The following RAE1 variants were observed in gnomAD, a reference collection of about 807,000 sequenced individuals.
RAE1 encodes ribonucleic acid export 1.
RAE1 carries 13 observed loss-of-function variants against 52.7 expected under a neutral mutation model. The observed-to-expected ratio is 0.25, with a 90% CI of 0.16 to 0.39. The LOEUF (loss-of-function observed/expected upper bound fraction) is 0.39, where lower values mean the gene tolerates loss of function less well. RAE1 is among the 10% of genes least tolerant of loss of function. The pLI is 1.00. For synonymous variants in RAE1, 164 were observed against 153.1 expected (o/e 1.07, Z -0.52); for missense variants, 262 against 459.8 (o/e 0.57, Z 3.93).
Position 57,379,172 on chromosome 20 carries a change from C to T in RAE1, c.*1073C>T, listed in dbSNP as rs146002651. On this transcript the variant is annotated 3_prime_UTR_variant, in exon 12 of 12. Coordinates refer to ENST00000395841, the MANE Select transcript of RAE1 (RefSeq NM_003610.4). ...GATGTGTTTGCCTACTCATAAAAAACAATGAAAATAAAATTTTCTACTGGA... is the reference window on the plus strand; with the variant it reads ...GATGTGTTTGCCTACTCATAAAAAATAATGAAAATAAAATTTTCTACTGGA... 1.4e-3 allele frequency: 218 copies of T among 152,238 alleles called. No homozygotes were observed. Among genetic ancestry groups the T allele is most frequent in the African/African-American group, 5.0e-3 (208 of 41,534 alleles). 9.4% of individuals were successfully genotyped at this position (152,238 alleles called of 1,614,324 possible). A position where few individuals can be genotyped will look rare whatever the true frequency, so the allele number is the denominator to read the frequency against.
At chr20:57,367,488 A>C (rs1347427819) in intron 7 of RAE1, among the ~76,000 whole-genome samples, 1 of 151,994 alleles carries the variant, frequency 6.6e-6, no homozygotes, top group Non-Finnish European at 1.5e-5. Context: ...CACGCCTATA[A>C]TCCTAGCACT....
chr20:57,367,333 A>G (rs555093207), intron 7 of RAE1, among the ~76,000 whole-genome samples: 1 of 152,308 alleles, frequency 6.6e-6, no homozygotes, highest in East Asian at 1.9e-4. Flanking sequence ...GCAGCTAGCT[A>G]CATGCCATCT....
rs1458721104 is a variant in RAE1 at position 57,359,220 on chromosome 20, G to T, written c.288+2682G>T. On this transcript the variant is annotated intron_variant, in intron 4 of 11. Coordinates refer to ENST00000395841, the MANE Select transcript of RAE1 (RefSeq NM_003610.4). ...TGAGTTCCTTTTATTTTTTTGTAATGTTTCCTTAGAGCATGCCTGTGTTGG... is the reference window on the plus strand; with the variant it reads ...TGAGTTCCTTTTATTTTTTTGTAATTTTTCCTTAGAGCATGCCTGTGTTGG... 3 of 402,636 alleles carry T rather than the reference G, an allele frequency of 7.5e-6. No individual in the cohort carries two copies. In the East Asian group the frequency reaches 1.1e-4, roughly 15 times the overall value. The allele number at this position is 402,636 out of a possible 1,614,324, so 24.9% of individuals were successfully genotyped here.
rs181711055 is a variant in RAE1 at position 57,357,105 on chromosome 20, C to G, written c.288+567C>G. On this transcript the variant is annotated intron_variant, in intron 4 of 11. Coordinates refer to ENST00000395841, the MANE Select transcript of RAE1 (RefSeq NM_003610.4). ...TGAGGCCCCTTCCGAGGCCTTGTAC[C>G]TGTTCCTTTAGTCAGGTTTATTGAG... Among the ~76,000 whole-genome samples the G allele has an allele frequency of 2.8e-3, 428 of 152,350 alleles. 1 individual carries two copies. Among genetic ancestry groups the G allele is most frequent in the Non-Finnish European group, 4.8e-3 (325 of 68,036 alleles).
chr20:57,368,728 A>G lies in RAE1; in HGVS notation c.558A>G (p.Ala186=), dbSNP rs1355616720. The part of the protein sequence containing the change: ...ADVIYPMAVV[A]TAERGLIVYQ... ...AGATATACCCCATGGCTGTGGTGGC[A>G]ACTGCAGAGAGGGGCCTGATTGTCT... The change falls in exon 8 of 12, where the codon GCA becomes GCG. Residue 186 remains alanine (A), a synonymous_variant. Coordinates refer to ENST00000395841, the MANE Select transcript of RAE1 (RefSeq NM_003610.4). The G allele has an allele frequency of 1.9e-6, 3 of 1,613,546 alleles. No homozygotes were observed. The highest frequency in any genetic ancestry group is 2.5e-6 in the Non-Finnish European group (3 of 1,179,802).
chr20:57,376,664 G>T (rs776182561), intron 11 of RAE1, among the ~76,000 whole-genome samples: 1 of 152,212 alleles, frequency 6.6e-6, no homozygotes. Flanking sequence ...TGACAAGAGT[G>T]TACTTTTTTG....
At chr20:57,368,605 C>A in intron 7 of RAE1, 100 bp from the exon 8 acceptor site, 1 of 684,564 alleles carries the variant, frequency 1.5e-6, no homozygotes, top group Non-Finnish European at 2.5e-6. Flanking sequence ...TTATTAAAAT[C>A]CAGACTTAAT....
At chr20:57,365,303 A>T in intron 4 of RAE1, 53 bp from the exon 5 acceptor site, 1 of 1,267,176 alleles carries the variant, frequency 7.9e-7, no homozygotes, top group Non-Finnish European at 1.1e-6. Context: ...ATATATATAT[A>T]GTTAAAGATT....
chr20:57,360,952 C>T (rs540640860), intron 4 of RAE1, among the ~76,000 whole-genome samples: 1 of 152,160 alleles, frequency 6.6e-6, no homozygotes, highest in African/African-American at 2.4e-5. Context: ...TGTAATCTTA[C>T]AAAGAACTAA....
chr20:57,365,200 A>G (rs2066937895), intron 4 of RAE1, among the ~76,000 whole-genome samples, 156 bp from the exon 5 acceptor site: 1 of 152,202 alleles, frequency 6.6e-6, no homozygotes, highest in Non-Finnish European at 1.5e-5. Context: ...AATTTTTTGT[A>G]TGATGCTGTA....
chr20:57,356,483 T>A lies in RAE1; in HGVS notation c.233T>A (p.Ile78Asn). The change falls in exon 4 of 12, where the codon ATT (isoleucine) becomes AAT (asparagine). Residue 78 changes from isoleucine to asparagine, a missense_variant. Transcript: ENST00000395841. ...CWEVQDSGQT[I>N]PKAQQMHTGP... ...GAAGTTCAAGACAGTGGACAGACCA[T>A]TCCAAAAGCCCAGCAGATGCACACT... 1 of 1,613,464 alleles carries A rather than the reference T, an allele frequency of 6.2e-7. No individual in the cohort carries two copies. Among genetic ancestry groups the A allele is most frequent in the Non-Finnish European group, 8.5e-7 (1 of 1,179,564 alleles).
intron 4 of RAE1, among the ~76,000 whole-genome samples, chr20:57,360,169 G>C (rs907238171): frequency 4.6e-5 from 7 of 152,168 alleles, no homozygotes; most frequent in African/African-American, 1.4e-4. Context: ...ATTCGAGGAA[G>C]GTGATGGGCT....
chr20:57,378,261 C>T lies in RAE1; in HGVS notation c.*162C>T, dbSNP rs976575035. 1.2e-5 allele frequency: 7 copies of T among 586,830 alleles called. No individual in the cohort carries two copies. The highest frequency in any genetic ancestry group is 3.1e-5 in the Admixed American group (1 of 32,132). The allele number at this position is 586,830 out of a possible 1,614,324, so 36.4% of individuals were successfully genotyped here. On this transcript the variant is annotated 3_prime_UTR_variant, in exon 12 of 12. Transcript: ENST00000395841. ...CAGCAGCTGAGAGCCCAGGCGTCCG[C>T]GGCGACTTGCCGTCTCTCCATTCCA... is the stretch of plus-strand genomic sequence containing the variant.
intron 1 of RAE1, 50 bp from the exon 2 acceptor site, chr20:57,353,982 C>A: frequency 6.8e-7 from 1 of 1,472,806 alleles, no homozygotes. Flanking sequence ...CATTGCCTCT[C>A]AGTGATATTA....
At chr20:57,359,800 G>A (rs1309890614) in intron 4 of RAE1, 1 of 152,234 alleles carries the variant, frequency 6.6e-6, no homozygotes, top group Non-Finnish European at 1.5e-5. Context: ...GCATTATGCA[G>A]AAGGTATAAG....
intron 4 of RAE1, chr20:57,358,880 T>TAG: frequency 9.1e-7 from 1 of 1,101,172 alleles, no homozygotes; most frequent in Admixed American, 3.8e-5. Context: ...AATGCAGGGA[T>TAG]AGGAGGCTAG....
intron 4 of RAE1, among the ~76,000 whole-genome samples, chr20:57,361,695 ACAG>A (rs1428801248): frequency 2.6e-5 from 4 of 152,218 alleles, no homozygotes; most frequent in Non-Finnish European, 5.9e-5. Flanking sequence ...ATGCTGAGTC[ACAG>A]CATCCCAAAG....
intron 11 of RAE1, 33 bp from the exon 12 acceptor site, chr20:57,377,980 A>C: frequency 6.7e-7 from 1 of 1,498,022 alleles, no homozygotes; most frequent in Non-Finnish European, 9.2e-7. Context: ...TCTTTTGAAT[A>C]ATAAGATCAT....
rs753050151 is a variant in RAE1, at chr20:57,354,009, T to G, written c.-7-23T>G. Reference sequence around the variant, plus strand: ...GTGATATTAAGAGAAAACCCATCCTTAACATTTTTCATTACTTTTTAGGTT... The same window carrying G: ...GTGATATTAAGAGAAAACCCATCCTGAACATTTTTCATTACTTTTTAGGTT... On this transcript the variant is annotated intron_variant, in intron 1 of 11. Transcript: ENST00000395841. 7 of 1,596,124 alleles carry G rather than the reference T, an allele frequency of 4.4e-6. No individual in the cohort carries two copies. In the South Asian group the frequency reaches 7.8e-5, roughly 18 times the overall value.
Sources: gnomAD v4.1 joint callset for allele counts (sites outside exome capture counted in the v4.1 genomes callset) on GRCh38, gnomAD v4.1.1 for gene constraint, MANE v1.5 for transcripts, NCBI Gene and HGNC (gene_info 2026-07-23, HGNC 2026-07-21) for gene names.